The following DCHS1 variants were observed in gnomAD, a reference collection of about 807,000 sequenced individuals.
DCHS1 encodes the protein dachsous cadherin-related 1, also known as protocadherin-16.
In DCHS1, 78 loss-of-function variants were observed where a neutral mutation model predicts 213.9. That is an observed-to-expected ratio of 0.36 (90% CI 0.30 to 0.44). The LOEUF (loss-of-function observed/expected upper bound fraction) is 0.44, where lower values mean the gene tolerates loss of function less well. Ranked by LOEUF, DCHS1 falls within the 20% of genes least tolerant of loss-of-function variation. The probability of loss-of-function intolerance (pLI) is 1.00; values close to 1 mark genes in which losing one functional copy is unlikely to be tolerated. For synonymous variants in DCHS1, 1,828 were observed against 1,873.7 expected (o/e 0.98, Z 0.63); for missense variants, 3,946 against 4,395.9 (o/e 0.90, Z 2.89).
intron 2 of DCHS1, among the ~76,000 whole-genome samples, chr11:6,635,428 G>A (rs977559931): frequency 1.3e-5 from 2 of 152,182 alleles, no homozygotes; most frequent in Non-Finnish European, 1.5e-5. Context: ...TGTAGCCTGT[G>A]ACAAAGCGCT....
chr11:6,640,100 T>C lies in DCHS1; in HGVS notation c.1514A>G (p.Asn505Ser), dbSNP rs1182415972. 2.5e-6 allele frequency: 4 copies of C among 1,613,776 alleles called. No homozygotes were observed. Among genetic ancestry groups the C allele is most frequent in the South Asian group, 1.1e-5 (1 of 91,040 alleles). The change falls in exon 2 of 21, where the codon AAT becomes AGT. Residue 505 changes from asparagine to serine, a missense_variant. Around this residue, in one of 3 missense-constraint regions of DCHS1, gnomAD observed 3,384 missense variants for 3,780.1 expected, o/e 0.90. Coordinates refer to ENST00000299441, the MANE Select transcript of DCHS1 (RefSeq NM_003737.4). This position sits in a 1 kb window ranked among gnomAD's most constrained non-coding sequence, Gnocchi z 6.5. ...VTARDPDQGT[N>S]GQVTYSLAPG... is the part of the protein sequence containing the mutation. ...GGCTAGGCTATAAGTGACCTGACCATTGGTGCCTTGGTCAGGATCCCGAGC... is the reference window on the plus strand; with the variant it reads ...GGCTAGGCTATAAGTGACCTGACCACTGGTGCCTTGGTCAGGATCCCGAGC...
In DCHS1 at chr11:6,642,731, T is replaced by C. The variant is rs148637343; in HGVS notation, c.-120-998A>G. Among the ~76,000 whole-genome samples the C allele has an allele frequency of 4.0e-3, 615 of 152,138 alleles. 6 individuals carry two copies. The highest frequency in any genetic ancestry group is 0.014 in the African/African-American group (571 of 41,466). ...AGCTGTATTGAAGATTTTGACATTA[T>C]CCTAAAGGCAAATGGAAGCCACTAA... On this transcript the variant is annotated intron_variant, in intron 1 of 20. Transcript: ENST00000299441.
In DCHS1 at chr11:6,632,997, G is replaced by A. The variant is rs758167437; in HGVS notation, c.2515C>T (p.Leu839=). ...TGCAACAGTCCTGATACCGCATCTA[G>A]GGAGAAGAGTCCTCGGGGATCCCCA... ...SGGDPRGLFS[L]DAVSGLLQTL... Residue 839 remains leucine (L), a synonymous_variant, in exon 6 of 21, where the codon CTA becomes TTA. Transcript: ENST00000299441. This position sits in a 1 kb window ranked among gnomAD's most constrained non-coding sequence, Gnocchi z 5.9. 1 of 1,613,232 alleles carries A rather than the reference G, an allele frequency of 6.2e-7. No individual in the cohort carries two copies. The highest frequency in any genetic ancestry group is 8.5e-7 in the Non-Finnish European group (1 of 1,179,238).
rs370648026 is a variant in DCHS1, at chr11:6,627,420, C to T, written c.5619G>A (p.Leu1873=). 6.5e-5 allele frequency: 105 copies of T among 1,610,514 alleles called. No homozygotes were observed. Among genetic ancestry groups the T allele is most frequent in the Middle Eastern group, 3.3e-4 (2 of 6,056 alleles). The stretch of plus-strand genomic sequence containing the variant: ...GGTCATGAGCCTGTAGCTGCAGCAG[C>T]AGGGTCCCTGCAGGCACATCCTCCG... The part of the protein sequence containing the change: ...EVPEDVPAGT[L]LLQLQAHDPD... Residue 1873 remains leucine (L), a synonymous_variant, in exon 14 of 21, where the codon CTG becomes CTA. Transcript: ENST00000299441. This position sits in a 1 kb window ranked among gnomAD's most constrained non-coding sequence, Gnocchi z 5.4.
At chr11:6,635,430 C>T (rs184705433) in intron 2 of DCHS1, among the ~76,000 whole-genome samples, 13 of 152,288 alleles carry the variant, frequency 8.5e-5, no homozygotes, top group Non-Finnish European at 1.8e-4. Flanking sequence ...TAGCCTGTGA[C>T]AAAGCGCTCT....
chr11:6,626,271 G>T lies in DCHS1; in HGVS notation c.6474C>A (p.Thr2158=). The T allele has an allele frequency of 1.2e-6, 2 of 1,613,200 alleles. No homozygotes were observed. Among genetic ancestry groups the T allele is most frequent in the Non-Finnish European group, 1.7e-6 (2 of 1,179,568 alleles). ...SGGAFAFTVL[T]LTLQDANDNA... is the part of the protein sequence containing the mutation. ...TGTCGTTGGCATCTTGCAGGGTCAG[G>T]GTCAGCACAGTGAAGGCAAAGGCTC... is the stretch of plus-strand genomic sequence containing the variant. Residue 2158 remains threonine, a synonymous_variant, in exon 16 of 21, where the codon ACC becomes ACA. Coordinates refer to ENST00000299441, the MANE Select transcript of DCHS1 (RefSeq NM_003737.4). The surrounding 1 kb of genome is among the most constrained non-coding windows in gnomAD (Gnocchi z 5.2).
At chr11:6,643,809 A>G (rs1856115256) in intron 1 of DCHS1, among the ~76,000 whole-genome samples, 1 of 152,228 alleles carries the variant, frequency 6.6e-6, no homozygotes, top group South Asian at 2.1e-4. Flanking sequence ...ACTGGGCTTC[A>G]GTATCCCCAG....
rs769883993 is a variant in DCHS1, at chr11:6,633,873, G to A, written c.2134C>T (p.Pro712Ser). 1.2e-6 allele frequency: 2 copies of A among 1,613,892 alleles called. No individual in the cohort carries two copies. The highest frequency in any genetic ancestry group is 2.2e-5 in the East Asian group (1 of 44,894). ...TAVLRLRAHDPDQGSHGRLSY... is the reference protein window; with the variant it reads ...TAVLRLRAHDSDQGSHGRLSY... The stretch of plus-strand genomic sequence containing the variant: ...AGTCGCCCATGGGATCCCTGGTCAG[G>A]GTCATGGGCACGCAACCTCAGCACA... The change falls in exon 4 of 21, where the codon CCT becomes TCT. Residue 712 changes from proline to serine, a missense_variant. Coordinates refer to ENST00000299441, the MANE Select transcript of DCHS1 (RefSeq NM_003737.4).
chr11:6,630,320 T>A lies in DCHS1; in HGVS notation c.4474A>T (p.Thr1492Ser). Residue 1492 changes from threonine (T) to serine (S), a missense_variant, in exon 10 of 21, where the codon ACC (threonine) becomes TCC (serine). Physicochemically the swap from Thr to Ser is moderately conservative, Grantham distance 58 (BLOSUM62 1). Transcript: ENST00000299441. ...PVPALRLDAR[T>S]GALSAPRGLD... ...CCGCGCGGAGCGCTGAGCGCCCCGG[T>A]GCGCGCGTCCAGGCGAAGCGCCGGC... 3 of 1,354,414 alleles carry A rather than the reference T, an allele frequency of 2.2e-6. No homozygotes were observed. The highest frequency in any genetic ancestry group is 2.8e-6 in the Non-Finnish European group (3 of 1,056,668). The allele number at this position is 1,354,414 out of a possible 1,614,324, so 83.9% of individuals were successfully genotyped here. A position where few individuals can be genotyped will look rare whatever the true frequency, so the allele number is the denominator to read the frequency against.
chr11:6,643,161 A>G (rs1856105774), intron 1 of DCHS1, among the ~76,000 whole-genome samples: 1 of 152,146 alleles, frequency 6.6e-6, no homozygotes, highest in South Asian at 2.1e-4. Flanking sequence ...AATGATGCTT[A>G]AGATCAGGAA....
In DCHS1 at chr11:6,640,582, G is replaced by A. The variant is rs777072883; in HGVS notation, c.1032C>T (p.Gly344=). The change falls in exon 2 of 21, where the codon GGC becomes GGT. Residue 344 remains glycine (G), a synonymous_variant. Coordinates refer to ENST00000299441, the MANE Select transcript of DCHS1 (RefSeq NM_003737.4). This position sits in a 1 kb window ranked among gnomAD's most constrained non-coding sequence, Gnocchi z 6.5. Reference sequence around the variant, plus strand: ...GCACATGCACAGTCACAAAGGCCGAGCCCAGCTCAGGGTGAGCCCCACCAT... The same window carrying A: ...GCACATGCACAGTCACAAAGGCCGAACCCAGCTCAGGGTGAGCCCCACCAT... ...ARDGGAHPEL[G]SAFVTVHVRD... 88 of 1,608,568 alleles carry A rather than the reference G, an allele frequency of 5.5e-5. 1 individual carries two copies. In the South Asian group the frequency reaches 8.0e-4, roughly 15 times the overall value.
At chr11:6,651,657 G>C (rs932571503) in intron 1 of DCHS1, among the ~76,000 whole-genome samples, 1 of 152,238 alleles carries the variant, frequency 6.6e-6, no homozygotes, top group African/African-American at 2.4e-5. Context: ...AAAGATGGTA[G>C]ATGAGGGCAA....
Position 6,629,871 on chromosome 11 carries a change from T to C in DCHS1, c.4836A>G (p.Arg1612=). 2 of 1,612,958 alleles carry C rather than the reference T, an allele frequency of 1.2e-6. No homozygotes were observed. The highest frequency in any genetic ancestry group is 1.7e-6 in the Non-Finnish European group (2 of 1,179,678). Residue 1612 remains arginine (R), a synonymous_variant, in exon 11 of 21, where the codon CGA becomes CGG. Transcript: ENST00000299441. Reference sequence around the variant, plus strand: ...CCACCACTGTCAGTACGTGCTCAGCTCGTTGTTCGCGGTCCAACGGCCGCA... The same window carrying C: ...CCACCACTGTCAGTACGTGCTCAGCCCGTTGTTCGCGGTCCAACGGCCGCA... The part of the protein sequence containing the change: ...SVVRPLDREQ[R]AEHVLTVVAS...
At chr11:6,645,057 G>A (rs780591527) in intron 1 of DCHS1, among the ~76,000 whole-genome samples, 12 of 152,254 alleles carry the variant, frequency 7.9e-5, no homozygotes, top group Non-Finnish European at 1.8e-4. Context: ...AAATGGCTAT[G>A]CTGACACCTA....
At position 6,641,237 on chromosome 11, in the gene DCHS1, G is replaced by A; in HGVS notation, c.377C>T (p.Thr126Ile). 6.2e-7 allele frequency: 1 copy of A among 1,613,764 alleles called. No homozygotes were observed. The highest frequency in any genetic ancestry group is 8.5e-7 in the Non-Finnish European group (1 of 1,179,894). ...AGCCACTCGCACTGTAACTTCTACGGTGGCACCATCAGGAGTGACTGCAGT... is the reference window on the plus strand; with the variant it reads ...AGCCACTCGCACTGTAACTTCTACGATGGCACCATCAGGAGTGACTGCAGT... ...RFTAVTPDGA[T>I]VEVTVRVADI... Residue 126 changes from threonine (T) to isoleucine (I), a missense_variant, in exon 2 of 21, where the codon ACC becomes ATC. By Grantham distance (89) the Thr-to-Ile change is moderately conservative. This residue lies in a region of DCHS1 where 3,384 missense variants were observed against 3,780.1 expected (regional missense o/e 0.90). Coordinates refer to ENST00000299441, the MANE Select transcript of DCHS1 (RefSeq NM_003737.4). The surrounding 1 kb of genome is among the most constrained non-coding windows in gnomAD (Gnocchi z 7.1).
intron 2 of DCHS1, among the ~76,000 whole-genome samples, chr11:6,635,820 G>T (rs929865389): frequency 6.6e-6 from 1 of 152,234 alleles, no homozygotes; most frequent in Admixed American, 6.5e-5. Flanking sequence ...GTCTGGGGAA[G>T]TTGTCAGGAA....
chr11:6,633,500 T>C lies in DCHS1; in HGVS notation c.2367A>G (p.Ile789Met). The change falls in exon 5 of 21, where the codon ATA (isoleucine) becomes ATG (methionine). Residue 789 changes from isoleucine to methionine, a missense_variant. Physicochemically the swap from Ile to Met is conservative, Grantham distance 10 (BLOSUM62 1). Transcript: ENST00000299441. ...SIVPGTPTPPIFEQLQYVFSV... is the reference protein window; with the variant it reads ...SIVPGTPTPPMFEQLQYVFSV... ...AAAAAACATACTGTAGTTGCTCAAA[T>C]ATGGGTGGTGTGGGGGTTCCAGGCA... 6.3e-7 allele frequency: 1 copy of C among 1,582,890 alleles called. No homozygotes were observed. Among genetic ancestry groups the C allele is most frequent in the Non-Finnish European group, 8.6e-7 (1 of 1,163,810 alleles).
In DCHS1 at chr11:6,622,240, C is replaced by T; in HGVS notation, c.9436G>A (p.Ala3146Thr). The T allele has an allele frequency of 6.2e-7, 1 of 1,601,066 alleles. No individual in the cohort carries two copies. Among genetic ancestry groups the T allele is most frequent in the Non-Finnish European group, 8.5e-7 (1 of 1,175,694 alleles). The change falls in exon 21 of 21, where the codon GCG (alanine) becomes ACG (threonine). Residue 3146 changes from alanine (A) to threonine (T), a missense_variant. By Grantham distance (58) the Ala-to-Thr change is moderately conservative (BLOSUM62 0). Around this residue, in one of 3 missense-constraint regions of DCHS1, gnomAD observed 554 missense variants for 590.2 expected, o/e 0.94. Coordinates refer to ENST00000299441, the MANE Select transcript of DCHS1 (RefSeq NM_003737.4). The surrounding 1 kb of genome is among the most constrained non-coding windows in gnomAD (Gnocchi z 5.4). Reference protein sequence around the residue: ...PADGKPCVAGALTAIVAGEEE... With the variant: ...PADGKPCVAGTLTAIVAGEEE... ...TCGCCGGCCACAATGGCTGTCAGCGCACCTGCCACACATGGCTTGCCATCT... is the reference window on the plus strand; with the variant it reads ...TCGCCGGCCACAATGGCTGTCAGCGTACCTGCCACACATGGCTTGCCATCT...
Position 6,631,717 on chromosome 11 carries a change from T to C in DCHS1, c.3574A>G (p.Ser1192Gly). The change falls in exon 7 of 21, where the codon AGC becomes GGC. Residue 1192 changes from serine to glycine, a missense_variant. Around this residue, in one of 3 missense-constraint regions of DCHS1, gnomAD observed 3,384 missense variants for 3,780.1 expected, o/e 0.90. Transcript: ENST00000299441. Reference sequence around the variant, plus strand: ...GCAACATGCACAGTGCCTGTGGTGCTGCGGGGTGGGCTCCCTCCATCCTGC... The same window carrying C: ...GCAACATGCACAGTGCCTGTGGTGCCGCGGGGTGGGCTCCCTCCATCCTGC... ...QVQDGGSPPR[S>G]TTGTVHVAVL... The C allele has an allele frequency of 1.2e-6, 2 of 1,610,478 alleles. No homozygotes were observed. The highest frequency in any genetic ancestry group is 1.7e-6 in the Non-Finnish European group (2 of 1,178,168).
Sources: allele counts gnomAD v4.1 joint callset (sites outside exome capture counted in the v4.1 genomes callset), GRCh38; gene constraint gnomAD v4.1.1; regional missense constraint gnomAD v4.1.1; non-coding constraint Gnocchi (gnomAD v3.1); transcripts MANE v1.5; gene names NCBI Gene and HGNC (gene_info 2026-07-23, HGNC 2026-07-21).